Variants in MECOM observed in about 807,000 individuals in gnomAD.
MECOM encodes histone-lysine N-methyltransferase MECOM.
MECOM carries 13 observed loss-of-function variants against 116.3 expected under a neutral mutation model. The observed-to-expected ratio is 0.11, with a 90% CI of 0.07 to 0.18. The LOEUF is 0.18. MECOM is among the 10% of genes least tolerant of loss of function. The pLI, the probability that MECOM is intolerant of heterozygous loss-of-function variation, is 1.00. For missense variants in MECOM, 1,299 were observed against 1,509.0 expected (o/e 0.86, Z 2.31); for synonymous variants, 528 against 535.2 (o/e 0.99, Z 0.19).
At chr3:169,484,004 T>C (rs1017142538) in intron 1 of MECOM, 2 of 1,592,440 alleles carry the variant, frequency 1.3e-6, no homozygotes, top group African/African-American at 2.7e-5. Context: ...CAGAACTTGC[T>C]TCTTTTTTTT....
intron 2 of MECOM, among the ~76,000 whole-genome samples, chr3:169,271,496 G>A (rs1322606525): frequency 6.6e-6 from 1 of 152,154 alleles, no homozygotes; most frequent in East Asian, 1.9e-4. Flanking sequence ...GACTTTCCAA[G>A]TTTATAATTT....
intron 2 of MECOM, among the ~76,000 whole-genome samples, chr3:169,203,177 C>T (rs1375439725): frequency 6.6e-6 from 1 of 152,112 alleles, no homozygotes; most frequent in Non-Finnish European, 1.5e-5. Flanking sequence ...GTTTACACTG[C>T]CCACTTCACC....
chr3:169,315,724 T>C (rs1289001917), intron 2 of MECOM, among the ~76,000 whole-genome samples: 2 of 152,182 alleles, frequency 1.3e-5, no homozygotes, highest in Non-Finnish European at 2.9e-5. Flanking sequence ...CAGTTTGCAA[T>C]TCCTGTATTC....
intron 1 of MECOM, among the ~76,000 whole-genome samples, chr3:169,628,015 G>A (rs1280530669): frequency 2.0e-5 from 3 of 152,280 alleles, no homozygotes; most frequent in East Asian, 3.9e-4. Flanking sequence ...CGACTATTTT[G>A]CAAGAGCTCA....
intron 3 of MECOM, among the ~76,000 whole-genome samples, chr3:169,136,549 A>T (rs1314541673): frequency 6.6e-6 from 1 of 152,010 alleles, no homozygotes; most frequent in Non-Finnish European, 1.5e-5. Flanking sequence ...AAGCACTTTG[A>T]TAGGAAAGTT....
intron 2 of MECOM, among the ~76,000 whole-genome samples, chr3:169,156,010 T>C (rs989396982): frequency 1.3e-5 from 2 of 152,186 alleles, no homozygotes; most frequent in Non-Finnish European, 2.9e-5. Flanking sequence ...TTTGGGATAT[T>C]TCTGTGATCA....
At chr3:169,092,446 A>G (rs1720034334) in intron 14 of MECOM, among the ~76,000 whole-genome samples, 2 of 151,946 alleles carry the variant, frequency 1.3e-5, no homozygotes, top group African/African-American at 4.8e-5. Context: ...ATATACATAT[A>G]TGTATTTATG....
chr3:169,435,639 C>T (rs1013603914), intron 1 of MECOM, among the ~76,000 whole-genome samples: 5 of 152,180 alleles, frequency 3.3e-5, no homozygotes, highest in Admixed American at 6.5e-5. Context: ...TTCTTGTGAA[C>T]TCATATTTCC....
At chr3:169,572,601 T>C (rs980598864) in intron 1 of MECOM, among the ~76,000 whole-genome samples, 2 of 152,106 alleles carry the variant, frequency 1.3e-5, no homozygotes, top group Non-Finnish European at 2.9e-5. Flanking sequence ...CAAATGCCCA[T>C]CAATGATAGA....
At chr3:169,286,025 A>G (rs371945295) in intron 2 of MECOM, among the ~76,000 whole-genome samples, 2 of 152,230 alleles carry the variant, frequency 1.3e-5, no homozygotes, top group East Asian at 1.9e-4. Flanking sequence ...GAAAACATGC[A>G]TTCGCTGTGA....
intron 1 of MECOM, among the ~76,000 whole-genome samples, chr3:169,648,914 C>A (rs1304417494): frequency 6.6e-6 from 1 of 152,162 alleles, no homozygotes; most frequent in East Asian, 1.9e-4. Context: ...TTGTAAGTGG[C>A]AAGAAGCTGG....
chr3:169,483,212 T>A (rs935752016), intron 1 of MECOM, among the ~76,000 whole-genome samples: 2 of 150,822 alleles, frequency 1.3e-5, no homozygotes, highest in Admixed American at 6.6e-5. Flanking sequence ...ATTTTTTTTT[T>A]TTTTTTGCCC....
chr3:169,160,081 T>C (rs1468752793), intron 2 of MECOM, among the ~76,000 whole-genome samples: 1 of 152,198 alleles, frequency 6.6e-6, no homozygotes, highest in Non-Finnish European at 1.5e-5. Flanking sequence ...GCCATCTTTA[T>C]ATCAAAAGAG....
chr3:169,590,494 C>A (rs1221095046), intron 1 of MECOM, among the ~76,000 whole-genome samples: 1 of 152,162 alleles, frequency 6.6e-6, no homozygotes, highest in Non-Finnish European at 1.5e-5. Flanking sequence ...TTTGTTAAGA[C>A]TAGAAATGGA....
intron 2 of MECOM, among the ~76,000 whole-genome samples, chr3:169,272,869 G>C (rs750111444): frequency 3.3e-5 from 5 of 152,090 alleles, no homozygotes; most frequent in Admixed American, 2.0e-4. Context: ...GCACTGGCTG[G>C]GTGCAGGAGG....
In MECOM at chr3:169,507,650, C is replaced by CTTTTTTTTTTTTTTTTTTTTTTTTTTT. The variant is rs1165167849; in HGVS notation, c.38-126153_38-126127dup. On this transcript the variant is annotated intron_variant, in intron 1 of 16. Transcript: ENST00000651503. ...CAATTTTGGTTTAAATCCCCACTTG[C>CTTTTTTTTTTTTTTTTTTTTTTTTTTT]TTTTTTTTTTTTTTTTTTTTTTTTT... Among the ~76,000 whole-genome samples the CTTTTTTTTTTTTTTTTTTTTTTTTTTT allele has an allele frequency of 2.8e-4, 16 of 57,144 alleles. 5 individuals carry two copies. Among genetic ancestry groups the CTTTTTTTTTTTTTTTTTTTTTTTTTTT allele is most frequent in the Admixed American group, 4.6e-4 (2 of 4,382 alleles). The allele number at this position is 57,144 out of a possible 152,430, so 37.5% of individuals were successfully genotyped here.
In MECOM at chr3:169,607,001, AG is replaced by A. The variant is rs1314935942; in HGVS notation, c.37+56334del. ...CGTAGTGTTATTAAAAGGACAGAGA[AG>A]GGGAATAGATATTGGGAGAAAATTT... is the stretch of plus-strand genomic sequence containing the variant. On this transcript the variant is annotated intron_variant, in intron 1 of 16. Coordinates refer to ENST00000651503, the MANE Select transcript of MECOM (RefSeq NM_004991.4). Among the ~76,000 whole-genome samples the A allele has an allele frequency of 3.9e-5, 6 of 152,352 alleles. No homozygotes were observed. The East Asian group carries it at 9.6e-4, about 24-fold the overall frequency.
chr3:169,562,807 A>G (rs908943173), intron 1 of MECOM, among the ~76,000 whole-genome samples: 4 of 152,158 alleles, frequency 2.6e-5, no homozygotes, highest in African/African-American at 9.7e-5. Flanking sequence ...CATGCCTGTA[A>G]TCCCAGCACT....
intron 2 of MECOM, among the ~76,000 whole-genome samples, chr3:169,293,259 C>A (rs1488946131): frequency 1.3e-5 from 2 of 152,146 alleles, no homozygotes; most frequent in Non-Finnish European, 2.9e-5. Flanking sequence ...TTCACGCTCA[C>A]CCCACCGTCT....
Sources: gnomAD v4.1 joint callset for allele counts (sites outside exome capture counted in the v4.1 genomes callset) on GRCh38, gnomAD v4.1.1 for gene constraint, MANE v1.5 for transcripts, NCBI Gene and HGNC (gene_info 2026-07-23, HGNC 2026-07-21) for gene names.